NOVA2: variants seen among roughly 807,000 people sequenced by gnomAD.
NOVA2 encodes NOVA alternative splicing regulator 2, also known as RNA-binding protein Nova-2.
In NOVA2, 9 loss-of-function variants were observed where a neutral mutation model predicts 22.5. The ratio of observed to expected loss-of-function variants is 0.40; its 90% CI spans 0.24 to 0.70. The LOEUF is 0.70. Ranked by LOEUF, NOVA2 falls within the 30% of genes least tolerant of loss-of-function variation. NOVA2 has a pLI of 0.38. For missense variants in NOVA2, 383 were observed against 682.8 expected, an observed-to-expected ratio of 0.56 and a Z score of 4.89; for synonymous variants, 318 against 335.2, an observed-to-expected ratio of 0.95 and a Z score of 0.56.
rs1322178708 is a variant in NOVA2, at chr19:45,961,152, C to T, written c.87G>A (p.Glu29=). ...VVCTKRSNTG[E]EGEYFLKVLI... ...GCACCTTCAGGAAGTATTCGCCTTC[C>T]TCTGCGGGGGCACACAGGGTGGAGG... is the stretch of plus-strand genomic sequence containing the variant. The change falls in exon 2 of 4, where the codon GAG becomes GAA. Residue 29 remains glutamate, a splice_region_variant and synonymous_variant. Coordinates refer to ENST00000263257, the MANE Select transcript of NOVA2 (RefSeq NM_002516.4). The T allele has an allele frequency of 6.3e-7, 1 of 1,598,832 alleles. No individual in the cohort carries two copies. Among genetic ancestry groups the T allele is most frequent in the Admixed American group, 1.7e-5 (1 of 57,784 alleles).
At chr19:45,951,628 A>G (rs934615877) in intron 3 of NOVA2, among the ~76,000 whole-genome samples, 2 of 64,920 alleles carry the variant, frequency 3.1e-5, no homozygotes, top group South Asian at 5.6e-4. Flanking sequence ...CAAAAAAAAA[A>G]AAAAGAAAAG....
intron 3 of NOVA2, among the ~76,000 whole-genome samples, chr19:45,941,866 G>C (rs1480009180): frequency 6.6e-6 from 1 of 152,148 alleles, no homozygotes; most frequent in Admixed American, 6.6e-5. Flanking sequence ...TACTTCCTCT[G>C]CGTCCAGCAT....
intron 1 of NOVA2, among the ~76,000 whole-genome samples, chr19:45,968,428 G>A (rs1269309448): frequency 6.6e-6 from 1 of 152,064 alleles, no homozygotes; most frequent in Non-Finnish European, 1.5e-5. Flanking sequence ...AATACAACTA[G>A]AGTGTGCTTA....
At chr19:45,957,723 A>G (rs768534437) in intron 2 of NOVA2, among the ~76,000 whole-genome samples, 18 of 151,654 alleles carry the variant, frequency 1.2e-4, no homozygotes, top group Admixed American at 9.2e-4. Flanking sequence ...AAATAAATAC[A>G]AAATAAAAAG....
At chr19:45,968,805 T>C (rs1968198610) in intron 1 of NOVA2, among the ~76,000 whole-genome samples, 1 of 152,006 alleles carries the variant, frequency 6.6e-6, no homozygotes, top group Non-Finnish European at 1.5e-5. Flanking sequence ...GGTGGCAAGA[T>C]ATGAATCCTG....
chr19:45,971,834 A>C (rs1161542626), intron 1 of NOVA2, among the ~76,000 whole-genome samples: 3 of 151,816 alleles, frequency 2.0e-5, no homozygotes, highest in East Asian at 3.9e-4. Context: ...TGAGGACCCC[A>C]AAAAACCCCA....
intron 1 of NOVA2, among the ~76,000 whole-genome samples, chr19:45,967,138 C>T (rs568018270): frequency 5.9e-5 from 9 of 152,208 alleles, no homozygotes; most frequent in African/African-American, 2.2e-4. Context: ...AGACCTCCCA[C>T]CTGTAGAGAC....
At chr19:45,951,618 CAAAAAAAAA>C (rs56350605) in intron 3 of NOVA2, among the ~76,000 whole-genome samples, 2 of 131,440 alleles carry the variant, frequency 1.5e-5, no homozygotes, top group African/African-American at 5.9e-5. Flanking sequence ...AACTCCGTTT[CAAAAAAAAA>C]AAAAAGAAAA....
At chr19:45,959,980 G>A (rs1968071369) in intron 2 of NOVA2, among the ~76,000 whole-genome samples, 1 of 152,078 alleles carries the variant, frequency 6.6e-6, no homozygotes, top group South Asian at 2.1e-4. Context: ...CTTCCCTGGA[G>A]TCCTAGATGT....
At chr19:45,963,607 C>A (rs1419749832) in intron 1 of NOVA2, among the ~76,000 whole-genome samples, 1 of 151,412 alleles carries the variant, frequency 6.6e-6, no homozygotes, top group Non-Finnish European at 1.5e-5. Context: ...TCTCGGCTCA[C>A]TGCACGCTCC....
chr19:45,971,206 C>CT (rs879344262), intron 1 of NOVA2, among the ~76,000 whole-genome samples: 6 of 152,152 alleles, frequency 3.9e-5, no homozygotes, highest in Admixed American at 3.9e-4. Flanking sequence ...GCAGATGTGA[C>CT]TGTTATTAGC....
intron 1 of NOVA2, among the ~76,000 whole-genome samples, chr19:45,966,992 A>G (rs1343673562): frequency 2.0e-5 from 3 of 152,142 alleles, no homozygotes; most frequent in Non-Finnish European, 2.9e-5. Flanking sequence ...AATGTTCAAA[A>G]ATGAAAAAAA....
At chr19:45,972,552 C>T (rs567494751) in intron 1 of NOVA2, among the ~76,000 whole-genome samples, 6 of 152,224 alleles carry the variant, frequency 3.9e-5, no homozygotes, top group Non-Finnish European at 7.4e-5. Context: ...CACACGTACC[C>T]GCTGGAGGGT....
At chr19:45,947,466 C>A (rs1051668231) in intron 3 of NOVA2, among the ~76,000 whole-genome samples, 6 of 119,602 alleles carry the variant, frequency 5.0e-5, no homozygotes, top group Non-Finnish European at 1.0e-4. Flanking sequence ...TGTGAAGCAC[C>A]CTAGTTTTTT....
Position 45,973,342 on chromosome 19 carries a change from C to T in NOVA2, c.10G>A (p.Glu4Lys). 1 of 1,226,586 alleles carries T rather than the reference C, an allele frequency of 8.2e-7. No individual in the cohort carries two copies. The allele number at this position is 1,226,586 out of a possible 1,614,324, so 76.0% of individuals were successfully genotyped here. A position where few individuals can be genotyped will look rare whatever the true frequency, so the allele number is the denominator to read the frequency against. Residue 4 changes from glutamate (E) to lysine (K), a missense_variant, in exon 1 of 4, where the codon GAG becomes AAG. By Grantham distance (56) the Glu-to-Lys change is moderately conservative (BLOSUM62 1). This residue lies in a region of NOVA2 where 349 missense variants were observed against 578.1 expected (regional missense o/e 0.60). Transcript: ENST00000263257. MEP[E>K]APDSRKRPLE... Reference sequence around the variant, plus strand: ...GGCCTCTTGCGGGAATCCGGGGCCTCGGGCTCCATGGGGGGGGCCTGGGGC... The same window carrying T: ...GGCCTCTTGCGGGAATCCGGGGCCTTGGGCTCCATGGGGGGGGCCTGGGGC...
intron 3 of NOVA2, among the ~76,000 whole-genome samples, chr19:45,951,801 T>A (rs4803874): frequency 0.71 from 107,646 of 151,788 alleles, 38,604 homozygotes; most frequent in East Asian, 0.8. Flanking sequence ...TGCCTCAGAC[T>A]AATATATATT....
rs1197415755 is a variant in NOVA2 at position 45,973,452 on chromosome 19, TGCG to T, written c.-104_-102del. ...CGACGGCTGCTGGGGAGGCTGGGGT[TGCG>T]GCGGCGGCGGCGGCGGGGGCGGCGG... On this transcript the variant is annotated 5_prime_UTR_variant, in exon 1 of 4. Coordinates refer to ENST00000263257, the MANE Select transcript of NOVA2 (RefSeq NM_002516.4). 161 of 132,102 alleles carry T rather than the reference TGCG, an allele frequency of 1.2e-3. No individual in the cohort carries two copies. The highest frequency in any genetic ancestry group is 2.1e-3 in the Non-Finnish European group (140 of 67,880). The allele number at this position is 132,102 out of a possible 1,614,324, so 8.2% of individuals were successfully genotyped here. A position where few individuals can be genotyped will look rare whatever the true frequency, so the allele number is the denominator to read the frequency against.
At chr19:45,958,570 GGTGTGAGT>G (rs775853833) in intron 2 of NOVA2, among the ~76,000 whole-genome samples, 1 of 149,292 alleles carries the variant, frequency 6.7e-6, no homozygotes, top group Non-Finnish European at 1.5e-5. Flanking sequence ...TGGGTGTGAG[GGTGTGAGT>G]GTGAATGAGT....
intron 1 of NOVA2, among the ~76,000 whole-genome samples, chr19:45,966,951 T>C (rs1723926383): frequency 6.6e-6 from 1 of 152,208 alleles, no homozygotes; most frequent in African/African-American, 2.4e-5. Flanking sequence ...GTTGTTTTTG[T>C]TCTCCCTAAC....
Sources: gnomAD v4.1 joint callset for allele counts (sites outside exome capture counted in the v4.1 genomes callset) on GRCh38, gnomAD v4.1.1 for gene constraint, gnomAD v4.1.1 regional missense constraint, MANE v1.5 for transcripts, NCBI Gene and HGNC (gene_info 2026-07-23, HGNC 2026-07-21) for gene names.